POC1B: variants seen among roughly 807,000 people sequenced by gnomAD.
POC1B encodes POC1 centriolar protein homolog B.
POC1B carries 44 observed loss-of-function variants against 60.6 expected under a neutral mutation model. The observed-to-expected ratio is 0.73, with a 90% CI of 0.57 to 0.93. The LOEUF is 0.93. POC1B is among the 40% of genes least tolerant of loss of function. The pLI is 0.00. For synonymous variants in POC1B, 180 were observed against 198.9 expected (o/e 0.90, Z 0.80); for missense variants, 555 against 572.3 (o/e 0.97, Z 0.31).
chr12:89,410,132 G>T, the POC1B span, among the ~76,000 whole-genome samples: 2 of 152,188 alleles, frequency 1.3e-5, no homozygotes, highest in African/African-American at 4.8e-5. Context: ...TCATCCCTGG[G>T]ATGCAAGGCT....
chr12:89,472,062 C>T lies in POC1B; in HGVS notation c.560+106G>A. ...GCATTACAGGCGTGAGCCACTGCAC[C>T]CGGCCATATTTCAATTTCTTTACTC... On this transcript the variant is annotated intron_variant, in intron 5 of 11. Transcript: ENST00000313546. 3.6e-6 allele frequency: 3 copies of T among 823,702 alleles called. No individual in the cohort carries two copies. In the South Asian group the frequency reaches 5.4e-5, roughly 15 times the overall value. The allele number at this position is 823,702 out of a possible 1,614,324, so 51.0% of individuals were successfully genotyped here.
chr12:89,423,947 G>A (rs1363688063), intron 11 of POC1B, among the ~76,000 whole-genome samples: 1 of 152,134 alleles, frequency 6.6e-6, no homozygotes, highest in Non-Finnish European at 1.5e-5. Flanking sequence ...TGGCAATATG[G>A]GAAACAAACC....
intron 2 of POC1B, chr12:89,501,154 C>T: frequency 1.4e-6 from 2 of 1,403,618 alleles, no homozygotes; most frequent in Admixed American, 3.4e-5. Flanking sequence ...AGAAAAGCAT[C>T]ATAATATATT....
intron 4 of POC1B, among the ~76,000 whole-genome samples, chr12:89,488,175 A>C (rs2135734481): frequency 6.6e-6 from 1 of 152,286 alleles, no homozygotes; most frequent in African/African-American, 2.4e-5. Flanking sequence ...ACAACGAATA[A>C]AGTATCTCCT....
In POC1B at chr12:89,446,232, G is replaced by C. The variant is rs1343042978; in HGVS notation, c.1113+13406C>G. Among the ~76,000 whole-genome samples the C allele has an allele frequency of 3.3e-5, 5 of 152,208 alleles. No homozygotes were observed. In the East Asian group the frequency reaches 9.6e-4, roughly 29 times the overall value. On this transcript the variant is annotated intron_variant, in intron 10 of 11. Coordinates refer to ENST00000313546, the MANE Select transcript of POC1B (RefSeq NM_172240.3). ...GGATCTAGAACTAGAAATACCATTT[G>C]ACCCAGCCATCCCATTACTGGGTAT...
chr12:89,487,126 T>C (rs1868676916), intron 4 of POC1B, among the ~76,000 whole-genome samples: 1 of 152,128 alleles, frequency 6.6e-6, no homozygotes, highest in Non-Finnish European at 1.5e-5. Context: ...GCCTAAACAC[T>C]GCCAACCAAG....
intron 2 of POC1B, chr12:89,524,907 T>C: frequency 2.7e-6 from 2 of 747,594 alleles, no homozygotes; most frequent in Non-Finnish European, 4.2e-6. Context: ...GACCGCTGGA[T>C]AGGAGGCTCT....
At chr12:89,412,329 AT>A in the POC1B span, among the ~76,000 whole-genome samples, 1 of 145,392 alleles carries the variant, frequency 6.9e-6, no homozygotes, top group African/African-American at 2.6e-5. Flanking sequence ...TGCTGGCATT[AT>A]TTTTTCTTTT....
Position 89,441,176 on chromosome 12 carries a change from T to C in POC1B, c.1114-15797A>G, listed in dbSNP as rs1881498551. Among the ~76,000 whole-genome samples, 3 of 152,188 alleles carry C rather than the reference T, an allele frequency of 2.0e-5. No individual in the cohort carries two copies. The South Asian group carries it at 6.2e-4, about 32-fold the overall frequency. ...GGAGGCCTGCCCACCTCTGTAGACTTCACCTCTGGGGGCAGGGCATAGCTG... is the reference window on the plus strand; with the variant it reads ...GGAGGCCTGCCCACCTCTGTAGACTCCACCTCTGGGGGCAGGGCATAGCTG... On this transcript the variant is annotated intron_variant, in intron 10 of 11. Transcript: ENST00000313546.
intron 2 of POC1B, chr12:89,500,033 A>T: frequency 2.8e-6 from 3 of 1,078,704 alleles, no homozygotes; most frequent in Middle Eastern, 2.7e-4. Flanking sequence ...GGCCTCCTGG[A>T]GCTGTGGTCT....
At chr12:89,524,092 C>A in intron 2 of POC1B, 4 of 1,613,888 alleles carry the variant, frequency 2.5e-6, no homozygotes, top group Non-Finnish European at 3.4e-6. Flanking sequence ...GTGAATGGTA[C>A]GGAGCAAAGT....
chr12:89,477,458 T>G (rs985412940), intron 4 of POC1B, among the ~76,000 whole-genome samples: 3 of 152,146 alleles, frequency 2.0e-5, no homozygotes, highest in Admixed American at 2.0e-4. Flanking sequence ...CATCCCCTTT[T>G]GGATATCCTG....
At chr12:89,439,268 TG>T (rs1881411115) in intron 10 of POC1B, among the ~76,000 whole-genome samples, 1 of 152,192 alleles carries the variant, frequency 6.6e-6, no homozygotes, top group Admixed American at 6.5e-5. Context: ...CATAACACCT[TG>T]CCCCACTCCA....
chr12:89,467,323 A>G (rs1000975583), intron 8 of POC1B, among the ~76,000 whole-genome samples: 8 of 152,178 alleles, frequency 5.3e-5, no homozygotes, highest in African/African-American at 1.9e-4. Context: ...AGCTTAAGAT[A>G]AGGCAATGAT....
chr12:89,493,763 TTC>T (rs1254316830), intron 3 of POC1B, among the ~76,000 whole-genome samples: 2 of 152,208 alleles, frequency 1.3e-5, no homozygotes, highest in Non-Finnish European at 1.5e-5. Context: ...CAGCAGGCTG[TTC>T]TGTTTGCCTC....
intron 2 of POC1B, among the ~76,000 whole-genome samples, chr12:89,511,655 T>G (rs1175703777): frequency 1.3e-5 from 2 of 152,146 alleles, no homozygotes; most frequent in African/African-American, 4.8e-5. Context: ...CCAGACTGCT[T>G]TATTTGGGGG....
chr12:89,440,961 G>A (rs1173813156), intron 10 of POC1B, among the ~76,000 whole-genome samples: 1 of 152,258 alleles, frequency 6.6e-6, no homozygotes, highest in Non-Finnish European at 1.5e-5. Context: ...CACACCAGGA[G>A]ATTATATCCT....
At chr12:89,479,046 G>T (rs1016435725) in intron 4 of POC1B, among the ~76,000 whole-genome samples, 1 of 152,126 alleles carries the variant, frequency 6.6e-6, no homozygotes, top group Non-Finnish European at 1.5e-5. Context: ...TATTTCAAAT[G>T]ATGTTTTCTT....
At position 89,525,078 on chromosome 12, in the gene POC1B, A is replaced by G. The variant is rs1871321157; in HGVS notation, c.100+42T>C. On this transcript the variant is annotated intron_variant, in intron 2 of 11. Transcript: ENST00000313546. Reference sequence around the variant, plus strand: ...AGGAGGAAAGGTTTCCGGCCCATGGAGTTTAGTCTCATTACAAAAGCAAAA... The same window carrying G: ...AGGAGGAAAGGTTTCCGGCCCATGGGGTTTAGTCTCATTACAAAAGCAAAA... 10 of 1,612,758 alleles carry G rather than the reference A, an allele frequency of 6.2e-6. 1 individual carries two copies. The highest frequency in any genetic ancestry group is 5.3e-5 in the African/African-American group (4 of 74,894).
Sources: allele counts gnomAD v4.1 joint callset (sites outside exome capture counted in the v4.1 genomes callset), GRCh38; gene constraint gnomAD v4.1.1; transcripts MANE v1.5; gene names NCBI Gene and HGNC (gene_info 2026-07-23, HGNC 2026-07-21).